UNC13B: variants seen among roughly 807,000 people sequenced by gnomAD.
UNC13B encodes the protein protein unc-13 homolog B.
In UNC13B, 144 loss-of-function variants were observed where a neutral mutation model predicts 211.0. That is an observed-to-expected ratio of 0.68 (90% CI 0.60 to 0.78). UNC13B has a LOEUF of 0.78. Ranked by LOEUF, UNC13B falls within the 30% of genes least tolerant of loss-of-function variation. The probability of loss-of-function intolerance (pLI) is 0.00; values close to 1 mark genes in which losing one functional copy is unlikely to be tolerated. For synonymous variants in UNC13B, 709 were observed against 725.8 expected (o/e 0.98, Z 0.37); for missense variants, 1,777 against 2,002.0 (o/e 0.89, Z 2.14).
chr9:35,339,922 C>T (rs1019726530), intron 11 of UNC13B, among the ~76,000 whole-genome samples: 2 of 152,234 alleles, frequency 1.3e-5, no homozygotes, highest in African/African-American at 2.4e-5. Context: ...CTTTCCCACT[C>T]TTGAAAGTTT....
intron 11 of UNC13B, among the ~76,000 whole-genome samples, chr9:35,339,602 G>A (rs1007012285): frequency 1.3e-5 from 2 of 152,216 alleles, no homozygotes; most frequent in African/African-American, 2.4e-5. Flanking sequence ...ATGGGAAGGT[G>A]GATAGATACA....
At chr9:35,255,029 TATA>T (rs1357273573) in intron 6 of UNC13B, among the ~76,000 whole-genome samples, 26 of 119,838 alleles carry the variant, frequency 2.2e-4, no homozygotes, top group African/African-American at 6.1e-4. Flanking sequence ...GTATATATAA[TATA>T]ATATATATTA....
In UNC13B at chr9:35,396,457, C is replaced by T; in HGVS notation, c.11309-19C>T. On this transcript the variant is annotated intron_variant, in intron 26 of 39. Transcript: ENST00000635942. ...CCTCTACTGCTGGGACCTGACCCAA[C>T]CTTTCTCCCTACCACTAGAGCATGA... is the stretch of plus-strand genomic sequence containing the variant. 9 of 1,613,896 alleles carry T rather than the reference C, an allele frequency of 5.6e-6. No individual in the cohort carries two copies. Among genetic ancestry groups the T allele is most frequent in the African/African-American group, 1.3e-5 (1 of 75,036 alleles).
rs186115226 is a variant in UNC13B, at chr9:35,388,130, G to A, written c.11095-1716G>A. ...TAATTTAAAGAAATATAAGCAGGCC[G>A]GGCGCAATGGCTCAAGCCTGTAATC... On this transcript the variant is annotated intron_variant, in intron 24 of 39. Coordinates refer to ENST00000635942, the MANE Select transcript of UNC13B (RefSeq NM_001371189.2). Among the ~76,000 whole-genome samples the A allele has an allele frequency of 1.1e-4, 16 of 152,258 alleles. 1 individual carries two copies. Among genetic ancestry groups the A allele is most frequent in the East Asian group, 7.7e-4 (4 of 5,186 alleles).
rs944925288 is a variant in UNC13B at position 35,305,767 on chromosome 9, C to T, written c.6363C>T (p.Ser2121=). 2.3e-5 allele frequency: 9 copies of T among 398,856 alleles called. No homozygotes were observed. The highest frequency in any genetic ancestry group is 2.5e-4 in the South Asian group (2 of 7,860). The allele number at this position is 398,856 out of a possible 1,614,324, so 24.7% of individuals were successfully genotyped here. A position where few individuals can be genotyped will look rare whatever the true frequency, so the allele number is the denominator to read the frequency against. Residue 2121 remains serine (S), a synonymous_variant, in exon 9 of 40, where the codon TCC becomes TCT. Transcript: ENST00000635942. ...VTEVSKSNEI[S]FDTLSKRNSN... is the part of the protein sequence containing the mutation. ...AAGTTTCAAAAAGTAATGAAATATC[C>T]TTTGATACCCTGAGCAAGAGAAATT...
chr9:35,338,855 A>C (rs1481147412), intron 11 of UNC13B, among the ~76,000 whole-genome samples: 1 of 152,148 alleles, frequency 6.6e-6, no homozygotes, highest in Non-Finnish European at 1.5e-5. Flanking sequence ...TTGCTTCTAG[A>C]CCAGTTGTAT....
At chr9:35,381,064 C>G (rs1006544799) in intron 18 of UNC13B, 36 bp from the exon 19 acceptor site, 9 of 1,586,962 alleles carry the variant, frequency 5.7e-6, no homozygotes, top group Non-Finnish European at 7.8e-6. Context: ...TGTCTAGTTG[C>G]ATTGGTGTCA....
intron 11 of UNC13B, among the ~76,000 whole-genome samples, chr9:35,348,415 C>T (rs1330730378): frequency 2.0e-5 from 3 of 152,192 alleles, no homozygotes; most frequent in Non-Finnish European, 2.9e-5. Context: ...ATGATTTACT[C>T]CTCCTTCTCC....
chr9:35,217,304 A>G (rs1008482571), intron 1 of UNC13B, among the ~76,000 whole-genome samples: 1 of 152,210 alleles, frequency 6.6e-6, no homozygotes, highest in Admixed American at 6.5e-5. Flanking sequence ...AGCAAACATC[A>G]TACTCAAAAT....
intron 1 of UNC13B, among the ~76,000 whole-genome samples, chr9:35,164,736 T>G (rs925782557): frequency 5.9e-5 from 9 of 152,246 alleles, no homozygotes; most frequent in African/African-American, 2.2e-4. Flanking sequence ...TCGTTCCATA[T>G]TTTCTGCCTA....
At chr9:35,273,761 T>C (rs954421097) in intron 7 of UNC13B, among the ~76,000 whole-genome samples, 3 of 152,232 alleles carry the variant, frequency 2.0e-5, no homozygotes, top group Admixed American at 6.5e-5. Context: ...AGTCTCATTT[T>C]CACACCTACC....
chr9:35,213,752 G>A (rs1824099571), intron 1 of UNC13B, among the ~76,000 whole-genome samples: 1 of 152,164 alleles, frequency 6.6e-6, no homozygotes, highest in African/African-American at 2.4e-5. Flanking sequence ...GGGAAAAAGT[G>A]TCTGACTTGA....
At chr9:35,283,805 G>A (rs1212358955) in intron 7 of UNC13B, among the ~76,000 whole-genome samples, 3 of 152,188 alleles carry the variant, frequency 2.0e-5, no homozygotes, top group African/African-American at 7.2e-5. Context: ...ATAGGTGAGG[G>A]AATTAACGTG....
chr9:35,404,178 G>T lies in UNC13B; in HGVS notation c.*145G>T. 1 of 1,117,138 alleles carries T rather than the reference G, an allele frequency of 9.0e-7. No individual in the cohort carries two copies. Among genetic ancestry groups the T allele is most frequent in the Non-Finnish European group, 1.2e-6 (1 of 807,462 alleles). 69.2% of individuals were successfully genotyped at this position (1,117,138 alleles called of 1,614,324 possible). A position where few individuals can be genotyped will look rare whatever the true frequency, so the allele number is the denominator to read the frequency against. ...GATATTTAAGGAAAAATTTGGGGTG[G>T]TGATAATATGGCTTTTCACAGAAAG... is the stretch of plus-strand genomic sequence containing the variant. On this transcript the variant is annotated 3_prime_UTR_variant, in exon 40 of 40. Coordinates refer to ENST00000635942, the MANE Select transcript of UNC13B (RefSeq NM_001371189.2).
chr9:35,191,396 A>G (rs7021856), intron 1 of UNC13B, among the ~76,000 whole-genome samples: 1 of 152,130 alleles, frequency 6.6e-6, no homozygotes, highest in Non-Finnish European at 1.5e-5. Flanking sequence ...CACTGGGCAT[A>G]GGCTGAACCA....
chr9:35,215,380 G>T (rs1310544916), intron 1 of UNC13B, among the ~76,000 whole-genome samples: 1 of 152,206 alleles, frequency 6.6e-6, no homozygotes, highest in East Asian at 1.9e-4. Flanking sequence ...TCCAGCCTGG[G>T]TGACAGAGTG....
intron 7 of UNC13B, chr9:35,291,057 T>G: frequency 6.5e-7 from 1 of 1,550,116 alleles, no homozygotes; most frequent in Admixed American, 2.0e-5. Context: ...TGCTTCTTTG[T>G]GGTTTTCTTA....
In UNC13B at chr9:35,381,630, C is replaced by T; in HGVS notation, c.10566C>T (p.Ala3522=). The T allele has an allele frequency of 6.2e-7, 1 of 1,614,194 alleles. No individual in the cohort carries two copies. Among genetic ancestry groups the T allele is most frequent in the Non-Finnish European group, 8.5e-7 (1 of 1,180,034 alleles). Residue 3522 remains alanine (A), a synonymous_variant, in exon 20 of 40, where the codon GCC becomes GCT. Coordinates refer to ENST00000635942, the MANE Select transcript of UNC13B (RefSeq NM_001371189.2). ...TCCCTGAAGCTCGAGGAGACGATGC[C>T]TGGAAGGTGTACTTTGATGAGACAG... ...VRIPEARGDD[A]WKVYFDETAQ...
At chr9:35,372,329 C>A (rs1311861900) in intron 13 of UNC13B, among the ~76,000 whole-genome samples, 1 of 152,260 alleles carries the variant, frequency 6.6e-6, no homozygotes, top group African/African-American at 2.4e-5. Flanking sequence ...CCCTTCCCAG[C>A]TGTTCCTCCT....
Sources: allele counts gnomAD v4.1 joint callset (sites outside exome capture counted in the v4.1 genomes callset), GRCh38; gene constraint gnomAD v4.1.1; transcripts MANE v1.5; gene names NCBI Gene and HGNC (gene_info 2026-07-23, HGNC 2026-07-21).